Variants in GPR161 observed in about 807,000 individuals in gnomAD.
GPR161 encodes G-protein coupled receptor RE2.
Under a neutral mutation model 39.2 loss-of-function variants are expected in GPR161, and 25 were observed. The observed-to-expected ratio is 0.64, with a 90% CI of 0.47 to 0.89. The LOEUF (loss-of-function observed/expected upper bound fraction) is 0.89, where lower values mean the gene tolerates loss of function less well. GPR161 is among the 40% of genes least tolerant of loss of function. The pLI, the probability that GPR161 is intolerant of heterozygous loss-of-function variation, is 0.00. For missense variants in GPR161, 547 were observed against 677.8 expected (o/e 0.81, Z 2.14); for synonymous variants, 286 against 276.6 (o/e 1.03, Z -0.34).
intron 3 of GPR161, among the ~76,000 whole-genome samples, chr1:168,093,745 C>A (rs1356636918): frequency 2.0e-5 from 3 of 152,186 alleles, no homozygotes; most frequent in African/African-American, 7.2e-5. Flanking sequence ...TCTGGTCAGC[C>A]CTGGCTCAGA....
At chr1:168,102,534 G>T (rs978608028) in intron 2 of GPR161, among the ~76,000 whole-genome samples, 5 of 152,122 alleles carry the variant, frequency 3.3e-5, no homozygotes, top group African/African-American at 1.2e-4. Context: ...GTGAAATAAG[G>T]CCCTGAAAGA....
rs138564837 is a variant in GPR161, at chr1:168,102,461, C to T, written c.374+2016G>A. 2.2e-3 allele frequency among the ~76,000 whole-genome samples: 332 copies of T among 152,298 alleles called. 3 individuals are homozygous for T. The highest frequency in any genetic ancestry group is 7.7e-3 in the African/African-American group (320 of 41,554). On this transcript the variant is annotated intron_variant, in intron 2 of 5. Transcript: ENST00000682931. Reference sequence around the variant, plus strand: ...TCTGTGTCCTGCTCATGCTTGTAGCCCACCACTCCAAGGATTGGGCACAGG... The same window carrying T: ...TCTGTGTCCTGCTCATGCTTGTAGCTCACCACTCCAAGGATTGGGCACAGG...
chr1:168,136,084 A>T, intron 1 of GPR161: 3 of 1,257,672 alleles, frequency 2.4e-6, no homozygotes, highest in Non-Finnish European at 3.0e-6. Flanking sequence ...GAAGGCGCCG[A>T]GGGCTGGTCG....
At chr1:168,103,427 G>GGA (rs1553264449) in intron 2 of GPR161, among the ~76,000 whole-genome samples, 43 of 117,340 alleles carry the variant, frequency 3.7e-4, no homozygotes, top group African/African-American at 1.1e-3. Context: ...ACTACTCAGG[G>GGA]AAAAAAAAAA....
chr1:168,129,909 CTT>C (rs1428335907), intron 1 of GPR161, among the ~76,000 whole-genome samples: 1 of 152,200 alleles, frequency 6.6e-6, no homozygotes, highest in East Asian at 1.9e-4. Flanking sequence ...AAATGACTCT[CTT>C]TGCTTTGGGC....
chr1:168,103,826 C>T (rs1696335894), intron 2 of GPR161, among the ~76,000 whole-genome samples: 1 of 152,234 alleles, frequency 6.6e-6, no homozygotes, highest in African/African-American at 2.4e-5. Flanking sequence ...AAACTCGCTG[C>T]CAAAGCCCAC....
chr1:168,090,480 C>A (rs575680588), intron 4 of GPR161, 84 bp downstream of exon 4: 575 of 731,610 alleles, frequency 7.9e-4, no homozygotes, highest in Non-Finnish European at 1.2e-3. Flanking sequence ...AGCTCTTGAG[C>A]CTGCACAGGG....
chr1:168,100,164 C>G (rs943778258), intron 2 of GPR161, among the ~76,000 whole-genome samples: 3 of 146,908 alleles, frequency 2.0e-5, no homozygotes, highest in Non-Finnish European at 4.5e-5. Context: ...GCCATGACTG[C>G]TCCACTGCTG....
intron 1 of GPR161, among the ~76,000 whole-genome samples, chr1:168,126,897 A>C (rs1379706092): frequency 6.6e-6 from 1 of 152,186 alleles, no homozygotes; most frequent in African/African-American, 2.4e-5. Flanking sequence ...ACTAATATCC[A>C]CTTAAACCTG....
intron 1 of GPR161, chr1:168,136,499 G>A (rs1699386025): frequency 1.6e-6 from 2 of 1,260,184 alleles, no homozygotes; most frequent in East Asian, 6.3e-5. Context: ...CGCAGGGGAG[G>A]GGCGCGCCCC....
chr1:168,108,665 G>A (rs906844861), intron 1 of GPR161, among the ~76,000 whole-genome samples: 3 of 151,344 alleles, frequency 2.0e-5, no homozygotes, highest in South Asian at 4.2e-4. Context: ...TTTGATTTCT[G>A]AACCATGTAA....
At chr1:168,115,898 C>T (rs1370226279) in intron 1 of GPR161, among the ~76,000 whole-genome samples, 2 of 152,072 alleles carry the variant, frequency 1.3e-5, no homozygotes, top group African/African-American at 2.4e-5. Context: ...GCCTCAGCCT[C>T]CCGAGCAGCT....
intron 1 of GPR161, among the ~76,000 whole-genome samples, chr1:168,117,981 CAGAA>C (rs981982450): frequency 2.8e-5 from 4 of 140,478 alleles, no homozygotes; most frequent in African/African-American, 5.8e-5. Context: ...TATTTAAAAA[CAGAA>C]AGAAACAAAC....
At chr1:168,102,247 G>A (rs1268109579) in intron 2 of GPR161, among the ~76,000 whole-genome samples, 2 of 152,210 alleles carry the variant, frequency 1.3e-5, no homozygotes, top group Admixed American at 1.3e-4. Flanking sequence ...CACCTGTTAC[G>A]TACCTGCTAT....
intron 3 of GPR161, among the ~76,000 whole-genome samples, chr1:168,092,474 A>T (rs1695156950): frequency 6.6e-6 from 1 of 152,208 alleles, no homozygotes; most frequent in Admixed American, 6.5e-5. Flanking sequence ...ATTTACCAGC[A>T]GAGGGTGGAG....
In GPR161 at chr1:168,104,728, G is replaced by A. The variant is rs764347317; in HGVS notation, c.123C>T (p.Val41=). The change falls in exon 2 of 6, where the codon GTC becomes GTT. Residue 41 remains valine, a synonymous_variant. Transcript: ENST00000682931. The stretch of plus-strand genomic sequence containing the variant: ...CCACGATGACCAGGTTTCCCAGGCA[G>A]ACAAAAATGGTGATGACAATGATGG... ...FIAIIVITIF[V]CLGNLVIVVT... is the part of the protein sequence containing the mutation. The A allele has an allele frequency of 6.2e-7, 1 of 1,614,112 alleles. No homozygotes were observed. The highest frequency in any genetic ancestry group is 1.1e-5 in the South Asian group (1 of 91,074).
In GPR161 at chr1:168,095,163, C is replaced by A. The variant is rs547267191; in HGVS notation, c.1099+1345G>T. Among the ~76,000 whole-genome samples the A allele has an allele frequency of 5.8e-4, 88 of 152,260 alleles. 1 individual carries two copies. The highest frequency in any genetic ancestry group is 2.0e-3 in the African/African-American group (84 of 41,564). ...CATCAGATGAACACAAATTAAGGGG[C>A]AGTCTACAAAATACCTGGTAAGTAC... On this transcript the variant is annotated intron_variant, in intron 3 of 5. Coordinates refer to ENST00000682931, the MANE Select transcript of GPR161 (RefSeq NM_001375883.1).
At chr1:168,093,038 T>TA (rs1219752744) in intron 3 of GPR161, among the ~76,000 whole-genome samples, 2 of 152,048 alleles carry the variant, frequency 1.3e-5, no homozygotes, top group African/African-American at 4.8e-5. Flanking sequence ...GAAGGGCAGG[T>TA]GGAGGGGCTG....
At position 168,085,628 on chromosome 1, in the gene GPR161, C is replaced by G. The variant is rs1558082557; in HGVS notation, c.1493G>C (p.Gly498Ala). ...TCTGCTGCCTCGGCGGCCCCCGAAGCCGCCCCCCGGGACAGTCCGTGCTGT... is the reference window on the plus strand; with the variant it reads ...TCTGCTGCCTCGGCGGCCCCCGAAGGCGCCCCCCGGGACAGTCCGTGCTGT... ...LVTARTVPGG[G>A]FGGRRGSRTL... Residue 498 changes from glycine (G) to alanine (A), a missense_variant, in exon 6 of 6, where the codon GGC becomes GCC. Physicochemically the swap from Gly to Ala is moderately conservative, Grantham distance 60 (BLOSUM62 0). Transcript: ENST00000682931. 1.2e-6 allele frequency: 2 copies of G among 1,614,108 alleles called. No homozygotes were observed.
Sources: allele counts gnomAD v4.1 joint callset (sites outside exome capture counted in the v4.1 genomes callset), GRCh38; gene constraint gnomAD v4.1.1; transcripts MANE v1.5; gene names NCBI Gene and HGNC (gene_info 2026-07-23, HGNC 2026-07-21).